SCN8A: variants seen among roughly 807,000 people sequenced by gnomAD.
SCN8A encodes sodium channel protein type 8 subunit alpha.
Under a neutral mutation model 184.1 loss-of-function variants are expected in SCN8A, and 30 were observed. The ratio of observed to expected loss-of-function variants is 0.16; its 90% confidence interval spans 0.12 to 0.22. SCN8A has a LOEUF of 0.22. SCN8A is among the 10% of genes least tolerant of loss of function. The pLI is 1.00. For missense variants in SCN8A, 1,057 were observed against 2,498.9 expected (o/e 0.42, Z 12.30); for synonymous variants, 852 against 907.0 (o/e 0.94, Z 1.09).
chr12:51,727,782 G>A (rs1942178519), intron 12 of SCN8A, among the ~76,000 whole-genome samples: 1 of 152,074 alleles, frequency 6.6e-6, no homozygotes, highest in South Asian at 2.1e-4. Flanking sequence ...GACCAACATG[G>A]TAAAACCCTG....
intron 26 of SCN8A, among the ~76,000 whole-genome samples, chr12:51,797,723 C>G (rs1938449273): frequency 6.6e-6 from 1 of 152,220 alleles, no homozygotes; most frequent in African/African-American, 2.4e-5. Context: ...CATTGTGGAG[C>G]AGTAGACTGA....
At chr12:51,742,952 C>T (rs1039285476) in intron 12 of SCN8A, among the ~76,000 whole-genome samples, 2 of 152,074 alleles carry the variant, frequency 1.3e-5, no homozygotes, top group East Asian at 1.9e-4. Context: ...TCTTCAAGCT[C>T]ATTAATTCTT....
At chr12:51,627,443 A>G (rs1940103735) in intron 1 of SCN8A, among the ~76,000 whole-genome samples, 1 of 152,168 alleles carries the variant, frequency 6.6e-6, no homozygotes, top group Admixed American at 6.6e-5. Context: ...GTACAGTGGC[A>G]CGATCTCGGC....
At chr12:51,685,365 A>G (rs1326021939) in intron 3 of SCN8A, among the ~76,000 whole-genome samples, 1 of 152,220 alleles carries the variant, frequency 6.6e-6, no homozygotes, top group African/African-American at 2.4e-5. Context: ...GCCATTAACA[A>G]GAGAGAGTGA....
intron 1 of SCN8A, among the ~76,000 whole-genome samples, chr12:51,620,955 C>G (rs984623580): frequency 6.6e-6 from 1 of 152,134 alleles, no homozygotes; most frequent in East Asian, 1.9e-4. Context: ...CCACTGCATT[C>G]CAGCCTGGGT....
rs1940089148 is a variant in SCN8A, at chr12:51,626,831, T to G, written c.-55+35472T>G. Among the ~76,000 whole-genome samples the G allele has an allele frequency of 2.0e-5, 3 of 150,180 alleles. No individual in the cohort carries two copies. The South Asian group carries it at 6.2e-4, about 31-fold the overall frequency. ...TTATTAATTGATATTTAATTATATATTCTATTATATGTAAATTAGTATTTA... is the reference window on the plus strand; with the variant it reads ...TTATTAATTGATATTTAATTATATAGTCTATTATATGTAAATTAGTATTTA... On this transcript the variant is annotated intron_variant, in intron 1 of 26. Transcript: ENST00000627620.
intron 1 of SCN8A, among the ~76,000 whole-genome samples, chr12:51,595,409 G>A (rs1030224426): frequency 6.6e-6 from 1 of 152,164 alleles, no homozygotes; most frequent in African/African-American, 2.4e-5. Context: ...GACACAGCCA[G>A]GACACATATT....
chr12:51,655,655 T>C (rs1277721101), intron 1 of SCN8A, among the ~76,000 whole-genome samples: 1 of 152,202 alleles, frequency 6.6e-6, no homozygotes, highest in African/African-American at 2.4e-5. Flanking sequence ...ATTACAGGCA[T>C]GAGTCACTGT....
Position 51,770,693 on chromosome 12 carries a change from A to T in SCN8A, c.3645+10A>T. 6.2e-7 allele frequency: 1 copy of T among 1,613,214 alleles called. No homozygotes were observed. The highest frequency in any genetic ancestry group is 8.5e-7 in the Non-Finnish European group (1 of 1,179,454). On this transcript the variant is annotated intron_variant, in intron 19 of 26. Transcript: ENST00000627620. ...GAGCAGTGGCGCCCTGGTGAGGTCC[A>T]GGGGAGAGTGTGAGGAGGGATTGGC... is the stretch of plus-strand genomic sequence containing the variant.
At chr12:51,644,656 C>T (rs1000218380) in intron 1 of SCN8A, among the ~76,000 whole-genome samples, 21 of 151,978 alleles carry the variant, frequency 1.4e-4, no homozygotes, top group Non-Finnish European at 2.5e-4. Context: ...CCGGCCGCCA[C>T]CCCGTCTGGG....
intron 6 of SCN8A, among the ~76,000 whole-genome samples, chr12:51,693,731 C>G (rs1342448945): frequency 6.6e-6 from 1 of 152,144 alleles, no homozygotes; most frequent in Admixed American, 6.5e-5. Context: ...TACCCCTATG[C>G]TTTGTCTGAA....
intron 1 of SCN8A, among the ~76,000 whole-genome samples, chr12:51,624,096 G>A (rs2138602312): frequency 6.6e-6 from 1 of 152,286 alleles, no homozygotes; most frequent in Non-Finnish European, 1.5e-5. Context: ...CTTTATAGCA[G>A]CATGATTTAT....
At position 51,774,263 on chromosome 12, in the gene SCN8A, C is replaced by T. The variant is rs1426324259; in HGVS notation, c.3720C>T (p.Thr1240=). ...TGGAATATGCTGACAAAGTCTTCAC[C>T]TATATCTTCATCCTGGAGATGTTGC... The part of the protein sequence containing the change: ...TILEYADKVF[T]YIFILEMLLK... The change falls in exon 20 of 27, where the codon ACC becomes ACT. Residue 1240 remains threonine (T), a synonymous_variant. Coordinates refer to ENST00000627620, the MANE Select transcript of SCN8A (RefSeq NM_001330260.2). 4 of 1,614,134 alleles carry T rather than the reference C, an allele frequency of 2.5e-6. No homozygotes were observed. Among genetic ancestry groups the T allele is most frequent in the Non-Finnish European group, 3.4e-6 (4 of 1,179,988 alleles).
At chr12:51,598,916 A>G (rs1029859423) in intron 1 of SCN8A, among the ~76,000 whole-genome samples, 2 of 152,196 alleles carry the variant, frequency 1.3e-5, no homozygotes, top group Non-Finnish European at 1.5e-5. Flanking sequence ...TAAGAAATAC[A>G]TAATGCCTCT....
intron 1 of SCN8A, among the ~76,000 whole-genome samples, chr12:51,635,468 C>T (rs901777373): frequency 3.7e-5 from 2 of 54,682 alleles, no homozygotes; most frequent in Non-Finnish European, 8.0e-5. Context: ...GTAAATAATT[C>T]TTGAATGAAT....
At chr12:51,623,279 T>A (rs994327344) in intron 1 of SCN8A, among the ~76,000 whole-genome samples, 2 of 152,198 alleles carry the variant, frequency 1.3e-5, no homozygotes, top group Non-Finnish European at 2.9e-5. Context: ...TATACATATT[T>A]CTAATTATTT....
At chr12:51,769,733 T>A in intron 17 of SCN8A, 135 bp from the exon 18 acceptor site, 1 of 674,824 alleles carries the variant, frequency 1.5e-6, no homozygotes, top group East Asian at 2.7e-5. Context: ...TATGGTTTGC[T>A]TATCGCGAGT....
chr12:51,734,983 C>A (rs1025039952), intron 12 of SCN8A, among the ~76,000 whole-genome samples: 3 of 152,150 alleles, frequency 2.0e-5, no homozygotes, highest in Admixed American at 6.5e-5. Flanking sequence ...AATATTTGTT[C>A]TTTAATTTTG....
At chr12:51,724,428 G>C (rs924730460) in intron 12 of SCN8A, among the ~76,000 whole-genome samples, 2 of 152,138 alleles carry the variant, frequency 1.3e-5, no homozygotes, top group Admixed American at 6.5e-5. Context: ...GCCTAGGCAA[G>C]AAGAGCAACA....
Sources: allele counts gnomAD v4.1 joint callset (sites outside exome capture counted in the v4.1 genomes callset), GRCh38; gene constraint gnomAD v4.1.1; transcripts MANE v1.5; gene names NCBI Gene and HGNC (gene_info 2026-07-23, HGNC 2026-07-21).